TM4SF19: variants seen among roughly 807,000 people sequenced by gnomAD.
TM4SF19 encodes transmembrane 4 L six family member 19.
Under a neutral mutation model 21.8 loss-of-function variants are expected in TM4SF19, and 17 were observed. The ratio of observed to expected loss-of-function variants is 0.78; its 90% CI spans 0.53 to 1.17. The LOEUF (loss-of-function observed/expected upper bound fraction) is 1.17, where lower values mean the gene tolerates loss of function less well. Among genes scored for constraint, TM4SF19 ranks in the 50% most tolerant of loss-of-function variants. The pLI, the probability that TM4SF19 is intolerant of heterozygous loss-of-function variation, is 0.00. For missense variants in TM4SF19, 216 were observed against 252.1 expected (o/e 0.86, Z 0.97); for synonymous variants, 107 against 106.7 (o/e 1.00, Z -0.02).
At chr3:196,332,681 C>A (rs1047995000) in intron 1 of TM4SF19, among the ~76,000 whole-genome samples, 5 of 151,762 alleles carry the variant, frequency 3.3e-5, no homozygotes, top group African/African-American at 1.2e-4. Flanking sequence ...CCAGCGGATA[C>A]CTGAAACCAC....
intron 1 of TM4SF19, among the ~76,000 whole-genome samples, chr3:196,333,187 A>T (rs1053508702): frequency 6.6e-6 from 1 of 152,226 alleles, no homozygotes; most frequent in Non-Finnish European, 1.5e-5. Context: ...AAAAGCAATG[A>T]GTATTCAGTA....
chr3:196,326,651 T>C (rs541810129), intron 3 of TM4SF19, among the ~76,000 whole-genome samples: 6 of 152,306 alleles, frequency 3.9e-5, no homozygotes, highest in Admixed American at 2.6e-4. Flanking sequence ...ATGTCCATAT[T>C]GTCCAACACC....
chr3:196,333,823 A>G (rs1474286841), intron 1 of TM4SF19, among the ~76,000 whole-genome samples: 1 of 152,234 alleles, frequency 6.6e-6, no homozygotes, highest in Non-Finnish European at 1.5e-5. Context: ...GCACTGTGGG[A>G]GGCCGAGGCG....
Position 196,325,850 on chromosome 3 carries a change from G to A in TM4SF19, c.279+1105C>T, listed in dbSNP as rs930999999. 6.6e-5 allele frequency among the ~76,000 whole-genome samples: 10 copies of A among 152,170 alleles called. No individual in the cohort carries two copies. The highest frequency in any genetic ancestry group is 2.2e-4 in the African/African-American group (9 of 41,434). ...GAGGGAGCCCAGCAATCCGTGTTCC[G>A]GCAAAAGCCCTCCAGGTGATTCTCA... On this transcript the variant is annotated intron_variant, in intron 3 of 4. Transcript: ENST00000273695. The surrounding 1 kb of genome is among the most constrained non-coding windows in gnomAD (Gnocchi z 4.3).
In TM4SF19 at chr3:196,323,561, A is replaced by G; in HGVS notation, c.*256T>C. On this transcript the variant is annotated 3_prime_UTR_variant, in exon 5 of 5. Transcript: ENST00000273695. ...TGAAATGAGACCCTGGCTGGAGGAT[A>G]TTTTATGGACTATAAATTCCTAAAC... is the stretch of plus-strand genomic sequence containing the variant. 1.3e-6 allele frequency: 1 copy of G among 741,408 alleles called. No homozygotes were observed. The highest frequency in any genetic ancestry group is 2.1e-6 in the Non-Finnish European group (1 of 469,974). The allele number at this position is 741,408 out of a possible 1,614,324, so 45.9% of individuals were successfully genotyped here. A position where few individuals can be genotyped will look rare whatever the true frequency, so the allele number is the denominator to read the frequency against.
At chr3:196,336,751 T>A (rs1727776896) in intron 1 of TM4SF19, among the ~76,000 whole-genome samples, 1 of 152,200 alleles carries the variant, frequency 6.6e-6, no homozygotes, top group Non-Finnish European at 1.5e-5. Flanking sequence ...GCTGGGGAGT[T>A]CCTTGTTCTG....
chr3:196,324,480 CA>C (rs1290771515), intron 3 of TM4SF19, 40 bp from the exon 4 acceptor site: 13 of 1,605,162 alleles, frequency 8.1e-6, no homozygotes, highest in Non-Finnish European at 1.1e-5. Flanking sequence ...GACGGGGTCG[CA>C]GCTGGGGAGC....
rs1727851963 is a variant in TM4SF19, at chr3:196,338,246, C to A, written c.-2+18G>T. ...GGCTGTTCCCTGGCCGTCACCTCAC[C>A]CTTTCATCTCTGCTTACCTGCATCT... is the stretch of plus-strand genomic sequence containing the variant. On this transcript the variant is annotated intron_variant, in intron 1 of 4. Coordinates refer to ENST00000273695, the MANE Select transcript of TM4SF19 (RefSeq NM_138461.4). The A allele has an allele frequency of 6.6e-6, 1 of 152,274 alleles. No homozygotes were observed. 9.4% of individuals were successfully genotyped at this position (152,274 alleles called of 1,614,324 possible). A position where few individuals can be genotyped will look rare whatever the true frequency, so the allele number is the denominator to read the frequency against.
chr3:196,324,216 G>GTC lies in TM4SF19; in HGVS notation c.449+53_449+54dup, dbSNP rs147354585. The GTC allele has an allele frequency of 1.3e-3, 1,950 of 1,490,248 alleles. 2 individuals are homozygous for GTC. Among genetic ancestry groups the GTC allele is most frequent in the African/African-American group, 0.011 (772 of 71,616 alleles). 92.3% of individuals were successfully genotyped at this position (1,490,248 alleles called of 1,614,324 possible). On this transcript the variant is annotated intron_variant, in intron 4 of 4. Coordinates refer to ENST00000273695, the MANE Select transcript of TM4SF19 (RefSeq NM_138461.4). ...TTGTAGTTCGTCTGTGTGTCTTTTT[G>GTC]TCTCTCTCTCTCTCTCTGTCTGAAA... is the stretch of plus-strand genomic sequence containing the variant.
intron 1 of TM4SF19, 108 bp downstream of exon 1, chr3:196,338,156 A>C (rs1263062107): frequency 1.3e-5 from 2 of 152,390 alleles, no homozygotes; most frequent in African/African-American, 4.8e-5. Context: ...GCAAAGTCAC[A>C]CAGACGCCAA....
At chr3:196,324,503 G>C in intron 3 of TM4SF19, 63 bp from the exon 4 acceptor site, 1 of 1,573,636 alleles carries the variant, frequency 6.4e-7, no homozygotes, top group Non-Finnish European at 8.7e-7. Context: ...TGCGGAGGGA[G>C]GAGAAACGCT....
chr3:196,323,977 G>A lies in TM4SF19; in HGVS notation c.470C>T (p.Ser157Leu), dbSNP rs1236617103. 1.4e-5 allele frequency: 22 copies of A among 1,613,886 alleles called. No homozygotes were observed. Among genetic ancestry groups the A allele is most frequent in the African/African-American group, 2.7e-5 (2 of 74,900 alleles). ...LHSRNYLYDR[S>L]LWNSVCLEPS... is the part of the protein sequence containing the mutation. Reference sequence around the variant, plus strand: ...CTCCAGGCAGACGGAGTTCCAGAGCGAACGGTCATACAGATAATTCCTATC... The same window carrying A: ...CTCCAGGCAGACGGAGTTCCAGAGCAAACGGTCATACAGATAATTCCTATC... Residue 157 changes from serine to leucine, a missense_variant, in exon 5 of 5, where the codon TCG becomes TTG. Transcript: ENST00000273695.
chr3:196,333,685 C>A (rs1407828832), intron 1 of TM4SF19, among the ~76,000 whole-genome samples: 1 of 152,176 alleles, frequency 6.6e-6, no homozygotes, highest in Non-Finnish European at 1.5e-5. Flanking sequence ...CATACCCTAA[C>A]CTCAACATCA....
chr3:196,337,051 C>CTTTTTTTTTT (rs35897935), intron 1 of TM4SF19, among the ~76,000 whole-genome samples: 1 of 67,816 alleles, frequency 1.5e-5, no homozygotes, highest in Non-Finnish European at 2.6e-5. Flanking sequence ...AAAAGCAATT[C>CTTTTTTTTTT]TTTTTTTTTT....
intron 1 of TM4SF19, among the ~76,000 whole-genome samples, chr3:196,334,015 C>T (rs1274206377): frequency 4.6e-5 from 7 of 151,860 alleles, no homozygotes; most frequent in African/African-American, 1.5e-4. Context: ...GAGCCAAGAT[C>T]GCACCACTGC....
At chr3:196,336,115 T>TTTTTTG (rs543448566) in intron 1 of TM4SF19, among the ~76,000 whole-genome samples, 1,754 of 152,162 alleles carry the variant, frequency 0.012, 10 homozygotes, top group Non-Finnish European at 0.019. Flanking sequence ...AAAGTCTGTT[T>TTTTTTG]TTTTTGTTTT....
intron 1 of TM4SF19, 126 bp from the exon 2 acceptor site, chr3:196,327,717 T>C (rs1037229990): frequency 9.5e-6 from 7 of 734,100 alleles, no homozygotes; most frequent in Middle Eastern, 3.9e-4. Context: ...GTCAGACCAA[T>C]GAGAGCCAAG....
chr3:196,336,420 G>A (rs1404645139), intron 1 of TM4SF19, among the ~76,000 whole-genome samples: 1 of 152,288 alleles, frequency 6.6e-6, no homozygotes, highest in African/African-American at 2.4e-5. Flanking sequence ...TTACAGGTGT[G>A]AGCCACAGCG....
intron 1 of TM4SF19, among the ~76,000 whole-genome samples, chr3:196,331,205 G>A (rs993003069): frequency 2.6e-5 from 4 of 151,842 alleles, no homozygotes; most frequent in Admixed American, 2.0e-4. Context: ...GAGCCCAGGA[G>A]GCAGAAGTTG....
Sources: gnomAD v4.1 joint callset for allele counts (sites outside exome capture counted in the v4.1 genomes callset) on GRCh38, gnomAD v4.1.1 for gene constraint, Gnocchi (gnomAD v3.1) non-coding constraint, MANE v1.5 for transcripts, NCBI Gene and HGNC (gene_info 2026-07-23, HGNC 2026-07-21) for gene names.